Variants in GPR35 observed in about 807,000 individuals in gnomAD.
The protein encoded by GPR35 is G protein-coupled receptor 35, also known as KYNA receptor.
For missense variants in GPR35, 372 were observed against 422.5 expected (o/e 0.88, Z 1.05); for synonymous variants, 207 against 198.4 (o/e 1.04, Z -0.36).
intron 2 of GPR35, among the ~76,000 whole-genome samples, chr2:240,608,801 T>C (rs2043158969): frequency 6.6e-6 from 1 of 152,196 alleles, no homozygotes; most frequent in African/African-American, 2.4e-5. Context: ...TGGTTAAGAT[T>C]GGTATTATTT....
chr2:240,625,344 T>A (rs1011005732), upstream of GPR35: 33 of 985,414 alleles, frequency 3.3e-5, no homozygotes, highest in South Asian at 1.1e-3. Context: ...CCACGCCCTC[T>A]AGCTGGGGCT....
chr2:240,612,792 G>A (rs2043196490), intron 2 of GPR35, among the ~76,000 whole-genome samples: 2 of 152,254 alleles, frequency 1.3e-5, no homozygotes, highest in African/African-American at 4.8e-5. Flanking sequence ...AGAAGGGGAA[G>A]GGCAGGTCTG....
At chr2:240,625,933 G>A (rs1575468327) in intron 1 of GPR35, among the ~76,000 whole-genome samples, 1 of 125,508 alleles carries the variant, frequency 8.0e-6, no homozygotes, top group African/African-American at 2.7e-5. Flanking sequence ...TCAGAGTGGG[G>A]TGAGGCTGTG....
Position 240,629,823 on chromosome 2 carries a change from G to A in GPR35, c.-4-126G>A. On this transcript the variant is annotated intron_variant, in intron 1 of 1. Transcript: ENST00000407714. The stretch of plus-strand genomic sequence containing the variant: ...CCATGCTTTCTTTGAGGAGTTTTGT[G>A]TTTGTGGGTGTGGGGTCGGGGCTCA... The A allele has an allele frequency of 1.7e-5, 13 of 765,372 alleles. 1 individual carries two copies. In the South Asian group the frequency reaches 2.2e-4, roughly 13 times the overall value. The allele number at this position is 765,372 out of a possible 1,614,324, so 47.4% of individuals were successfully genotyped here.
chr2:240,613,135 G>C (rs2043202266), intron 2 of GPR35, among the ~76,000 whole-genome samples: 1 of 152,232 alleles, frequency 6.6e-6, no homozygotes, highest in Admixed American at 6.5e-5. Flanking sequence ...GGGATGCTCA[G>C]TAAACAAGAG....
In GPR35 at chr2:240,631,114, C is replaced by A. The variant is rs1313986902; in HGVS notation, c.*232C>A. Reference sequence around the variant, plus strand: ...GCCAGAGCAAGGCCAATGTCAGAGACCCCCGGGATGGGGCCTCACACTTGC... The same window carrying A: ...GCCAGAGCAAGGCCAATGTCAGAGAACCCCGGGATGGGGCCTCACACTTGC... On this transcript the variant is annotated 3_prime_UTR_variant, in exon 2 of 2. Coordinates refer to ENST00000407714, the MANE Select transcript of GPR35 (RefSeq NM_005301.5). The A allele has an allele frequency of 1.9e-5, 11 of 573,706 alleles. No individual in the cohort carries two copies. The highest frequency in any genetic ancestry group is 1.2e-4 in the South Asian group (5 of 43,000). The allele number at this position is 573,706 out of a possible 1,614,324, so 35.5% of individuals were successfully genotyped here.
intron 2 of GPR35, chr2:240,607,617 T>G (rs1041620013): frequency 2.0e-5 from 3 of 152,226 alleles, no homozygotes; most frequent in Admixed American, 2.0e-4. Flanking sequence ...ATCTTTAGTT[T>G]TATTTTCCAA....
intron 2 of GPR35, among the ~76,000 whole-genome samples, chr2:240,610,925 C>T (rs1436162226): frequency 6.7e-6 from 1 of 150,292 alleles, no homozygotes. Context: ...TGAGCCACTG[C>T]ACCCGGCCTG....
chr2:240,608,065 T>C (rs867153037), intron 2 of GPR35, among the ~76,000 whole-genome samples: 2 of 152,162 alleles, frequency 1.3e-5, no homozygotes, highest in African/African-American at 4.8e-5. Flanking sequence ...CTAATTTTTA[T>C]ATGTTTTGTA....
chr2:240,610,885 C>T (rs762014366), intron 2 of GPR35, among the ~76,000 whole-genome samples: 13 of 151,706 alleles, frequency 8.6e-5, no homozygotes, highest in South Asian at 2.1e-4. Flanking sequence ...CTGCCTGTCT[C>T]GGCCACCCAA....
At chr2:240,616,917 C>T (rs2043244923) in intron 3 of GPR35, 3 of 766,618 alleles carry the variant, frequency 3.9e-6, no homozygotes, top group African/African-American at 3.4e-5. Context: ...GGGCAGGAAC[C>T]AGGGAAGATT....
upstream of GPR35, among the ~76,000 whole-genome samples, chr2:240,620,522 C>T (rs916307106): frequency 5.9e-5 from 9 of 152,080 alleles, no homozygotes; most frequent in Non-Finnish European, 1.0e-4. Flanking sequence ...CCCTCAGACC[C>T]TCTCAGGACC....
Position 240,619,044 on chromosome 2 carries a change from C to T in GPR35, c.-5+13C>T. 2.9e-6 allele frequency: 2 copies of T among 700,924 alleles called. 1 individual carries two copies. Among genetic ancestry groups the T allele is most frequent in the South Asian group, 3.0e-5 (2 of 67,124 alleles). The allele number at this position is 700,924 out of a possible 1,614,324, so 43.4% of individuals were successfully genotyped here. A position where few individuals can be genotyped will look rare whatever the true frequency, so the allele number is the denominator to read the frequency against. Reference sequence around the variant, plus strand: ...CTTGCGTCTCTCTGTGAGTACATTCCTAGAAGTGGGGTTATTGGGTCAAAG... The same window carrying T: ...CTTGCGTCTCTCTGTGAGTACATTCTTAGAAGTGGGGTTATTGGGTCAAAG... On this transcript the variant is annotated intron_variant, in intron 5 of 5. Transcript: ENST00000319838.
At chr2:240,609,959 A>T (rs2043167002) in intron 2 of GPR35, among the ~76,000 whole-genome samples, 1 of 151,338 alleles carries the variant, frequency 6.6e-6, no homozygotes, top group Non-Finnish European at 1.5e-5. Context: ...TTCATATGAA[A>T]TATCCTTTTT....
At chr2:240,619,948 G>C (rs1206475726) in intron 5 of GPR35, among the ~76,000 whole-genome samples, 1 of 152,208 alleles carries the variant, frequency 6.6e-6, no homozygotes, top group Admixed American at 6.5e-5. Context: ...TGCTGAGAAG[G>C]GAGGGCCCTA....
chr2:240,629,714 C>T, intron 1 of GPR35: 1 of 459,322 alleles, frequency 2.2e-6, no homozygotes, highest in Non-Finnish European at 3.9e-6. Flanking sequence ...GCAGGCAGAT[C>T]CCAGGAGAGA....
At chr2:240,622,688 A>G (rs11678793), upstream of GPR35, among the ~76,000 whole-genome samples, 39,215 of 152,162 alleles carry the variant, frequency 0.26, 5,535 homozygotes, top group South Asian at 0.4. Flanking sequence ...CTCTAGCTGG[A>G]GAAGCAGGAG....
At chr2:240,617,474 C>T (rs1472794072) in intron 4 of GPR35, 5 of 519,930 alleles carry the variant, frequency 9.6e-6, no homozygotes, top group Non-Finnish European at 1.0e-5. Context: ...TAGTTTCATT[C>T]ATCCATCAGG....
At chr2:240,627,607 C>A (rs943953271) in intron 1 of GPR35, 1 of 150,372 alleles carries the variant, frequency 6.7e-6, no homozygotes, top group African/African-American at 2.5e-5. Flanking sequence ...GCACGCATCA[C>A]CAGCCCAGCT....
Sources: gnomAD v4.1 joint callset for allele counts (sites outside exome capture counted in the v4.1 genomes callset) on GRCh38, gnomAD v4.1.1 for gene constraint, MANE v1.5 for transcripts, NCBI Gene and HGNC (gene_info 2026-07-23, HGNC 2026-07-21) for gene names.